The following SLIT3 variants were observed in gnomAD, a reference collection of about 807,000 sequenced individuals.
SLIT3 encodes slit guidance ligand 3.
In SLIT3, 68 loss-of-function variants were observed where a neutral mutation model predicts 184.0. The ratio of observed to expected loss-of-function variants is 0.37; its 90% confidence interval spans 0.30 to 0.45. The LOEUF is 0.45. Among genes scored for constraint, SLIT3 ranks in the 20% least tolerant of loss-of-function variants. The pLI is 1.00. For missense variants in SLIT3, 1,707 were observed against 2,026.0 expected, an observed-to-expected ratio of 0.84 and a Z score of 3.02; for synonymous variants, 831 against 828.6, an observed-to-expected ratio of 1.00 and a Z score of -0.05.
At chr5:169,033,692 A>G (rs1757123838) in intron 4 of SLIT3, among the ~76,000 whole-genome samples, 1 of 152,008 alleles carries the variant, frequency 6.6e-6, no homozygotes, top group Admixed American at 6.5e-5. Context: ...ATGATGAATG[A>G]TGTTGAGCAC....
intron 1 of SLIT3, among the ~76,000 whole-genome samples, chr5:169,255,723 A>C (rs902692364): frequency 6.6e-6 from 1 of 152,142 alleles, no homozygotes; most frequent in Admixed American, 6.5e-5. Flanking sequence ...CTCTACTAAA[A>C]ATACAAAAAA....
chr5:169,222,808 A>T (rs1207029494), intron 3 of SLIT3, among the ~76,000 whole-genome samples: 1 of 152,220 alleles, frequency 6.6e-6, no homozygotes, highest in African/African-American at 2.4e-5. Context: ...AATGCAGGTT[A>T]GCACTTCAGC....
intron 4 of SLIT3, among the ~76,000 whole-genome samples, chr5:169,031,816 A>T (rs911870745): frequency 1.1e-4 from 17 of 152,218 alleles, no homozygotes; most frequent in African/African-American, 4.1e-4. Flanking sequence ...TCTGGAGAAC[A>T]AATTGGAGTT....
At chr5:168,940,496 G>A (rs1762296250) in intron 4 of SLIT3, among the ~76,000 whole-genome samples, 1 of 152,008 alleles carries the variant, frequency 6.6e-6, no homozygotes, top group Non-Finnish European at 1.5e-5. Context: ...AAATTATAAA[G>A]TATCTTTATC....
intron 4 of SLIT3, among the ~76,000 whole-genome samples, chr5:169,044,104 C>G (rs928122500): frequency 2.0e-5 from 3 of 152,158 alleles, no homozygotes; most frequent in Admixed American, 6.5e-5. Context: ...TCACACCCAC[C>G]AGGATGTCTA....
intron 4 of SLIT3, among the ~76,000 whole-genome samples, chr5:169,177,552 G>A (rs1413219941): frequency 2.0e-5 from 3 of 152,106 alleles, no homozygotes; most frequent in African/African-American, 7.2e-5. Flanking sequence ...AGGTAAGCAG[G>A]GTGCAGTGAC....
chr5:169,059,992 T>C (rs1415702583), intron 4 of SLIT3, among the ~76,000 whole-genome samples: 1 of 152,238 alleles, frequency 6.6e-6, no homozygotes, highest in East Asian at 1.9e-4. Flanking sequence ...TTTTTGGCCA[T>C]GTGAGGACAC....
chr5:168,798,217 C>CTTATTTTTTTTTTTTTTTTTTTT, intron 9 of SLIT3, among the ~76,000 whole-genome samples: 1 of 81,176 alleles, frequency 1.2e-5, no homozygotes, highest in African/African-American at 7.3e-5. Context: ...TTTTCTTCTT[C>CTTATTTTTTTTTTTTTTTTTTTT]TTCTTCTTTT....
At chr5:168,842,468 C>CTTTTTTTTT (rs1561962519) in intron 6 of SLIT3, among the ~76,000 whole-genome samples, 24 of 61,300 alleles carry the variant, frequency 3.9e-4, no homozygotes, top group African/African-American at 2.4e-3. Flanking sequence ...ACCGTTTTTT[C>CTTTTTTTTT]GTTTTTTTTT....
intron 4 of SLIT3, among the ~76,000 whole-genome samples, chr5:169,120,808 G>T (rs1419109564): frequency 6.6e-6 from 1 of 152,044 alleles, no homozygotes; most frequent in Non-Finnish European, 1.5e-5. Flanking sequence ...TACTTGATGG[G>T]CCTCTGCAAT....
chr5:169,088,489 A>T (rs1561656755), intron 4 of SLIT3, among the ~76,000 whole-genome samples: 1 of 151,988 alleles, frequency 6.6e-6, no homozygotes, highest in Non-Finnish European at 1.5e-5. Context: ...AGAGAATCAC[A>T]GCATAAAACC....
chr5:168,871,642 A>G (rs1006852023), intron 5 of SLIT3, among the ~76,000 whole-genome samples: 2 of 152,168 alleles, frequency 1.3e-5, no homozygotes, highest in Non-Finnish European at 2.9e-5. Flanking sequence ...AACTATAAAT[A>G]TGACTTTTTT....
intron 4 of SLIT3, among the ~76,000 whole-genome samples, chr5:169,085,318 T>C (rs1401621158): frequency 6.6e-6 from 1 of 152,210 alleles, no homozygotes; most frequent in Non-Finnish European, 1.5e-5. Context: ...CTGTTGTCTC[T>C]GAGGCTGTCA....
intron 4 of SLIT3, among the ~76,000 whole-genome samples, chr5:169,076,579 CT>C (rs963941754): frequency 1.3e-5 from 2 of 151,812 alleles, no homozygotes; most frequent in African/African-American, 4.8e-5. Context: ...AAATGGATTT[CT>C]TTTTTTTCTG....
At chr5:169,112,120 G>A (rs1364510616) in intron 4 of SLIT3, among the ~76,000 whole-genome samples, 5 of 152,344 alleles carry the variant, frequency 3.3e-5, no homozygotes, top group African/African-American at 1.2e-4. Flanking sequence ...TTGTGTCCAT[G>A]TTTAGTGTGG....
At chr5:169,025,331 AGAAG>A (rs1561615310) in intron 4 of SLIT3, among the ~76,000 whole-genome samples, 1 of 152,228 alleles carries the variant, frequency 6.6e-6, no homozygotes, top group Non-Finnish European at 1.5e-5. Flanking sequence ...AGCTCGTACC[AGAAG>A]GTACTTACTG....
intron 4 of SLIT3, among the ~76,000 whole-genome samples, chr5:169,097,658 G>T (rs1759838429): frequency 6.6e-6 from 1 of 152,194 alleles, no homozygotes. Context: ...AGCAGCCACA[G>T]ACATTTCTGG....
intron 1 of SLIT3, among the ~76,000 whole-genome samples, chr5:169,253,758 G>A (rs915867484): frequency 6.6e-6 from 1 of 152,118 alleles, no homozygotes; most frequent in African/African-American, 2.4e-5. Context: ...CCCAAACTTT[G>A]TGCCCACGGA....
At chr5:169,244,599 T>G (rs923257852) in intron 3 of SLIT3, 106 bp downstream of exon 3, 1 of 931,088 alleles carries the variant, frequency 1.1e-6, no homozygotes, top group African/African-American at 1.7e-5. Context: ...ACTGGAGACC[T>G]TTTTTAACAA....
Sources: allele counts gnomAD v4.1 joint callset (sites outside exome capture counted in the v4.1 genomes callset), GRCh38; gene constraint gnomAD v4.1.1; transcripts MANE v1.5; gene names NCBI Gene and HGNC (gene_info 2026-07-23, HGNC 2026-07-21).